PAH: variants seen among roughly 807,000 people sequenced by gnomAD.
PAH encodes phenylalanine-4-hydroxylase.
In PAH, 64 loss-of-function variants were observed where a neutral mutation model predicts 62.0. That is an observed-to-expected ratio of 1.03 (90% CI 0.84 to 1.27). The LOEUF is 1.27. Ranked by LOEUF, PAH falls within the 50% of genes most tolerant of loss-of-function variation. The pLI, the probability that PAH is intolerant of heterozygous loss-of-function variation, is 0.00. For missense variants in PAH, 579 were observed against 542.8 expected, an observed-to-expected ratio of 1.07 and a Z score of -0.66; for synonymous variants, 195 against 196.2, an observed-to-expected ratio of 0.99 and a Z score of 0.05.
chr12:102,948,808 T>G (rs1879609162), intron 1 of PAH, among the ~76,000 whole-genome samples: 2 of 152,322 alleles, frequency 1.3e-5, no homozygotes, highest in South Asian at 4.1e-4. Flanking sequence ...TTTGCCAGAT[T>G]CTGATTTGGT....
At chr12:102,924,373 T>C (rs1878630383) in intron 1 of PAH, among the ~76,000 whole-genome samples, 1 of 152,134 alleles carries the variant, frequency 6.6e-6, no homozygotes, top group South Asian at 2.1e-4. Context: ...TTTTTTTAAA[T>C]TAAGCTACTT....
At chr12:102,888,320 A>C (rs1877125029) in intron 3 of PAH, among the ~76,000 whole-genome samples, 1 of 152,020 alleles carries the variant, frequency 6.6e-6, no homozygotes, top group Admixed American at 6.6e-5. Context: ...CAACCTTTTA[A>C]TTATACCTTT....
At chr12:102,914,974 T>G (rs1028684291) in intron 1 of PAH, among the ~76,000 whole-genome samples, 3 of 152,204 alleles carry the variant, frequency 2.0e-5, no homozygotes, top group African/African-American at 7.2e-5. Context: ...TTTTTACTCT[T>G]GTCCTTCTAT....
intron 3 of PAH, among the ~76,000 whole-genome samples, chr12:102,887,392 C>T (rs76338042): frequency 0.033 from 5,073 of 151,896 alleles, 102 homozygotes; most frequent in African/African-American, 0.057. Flanking sequence ...CACAGGGACC[C>T]TCATACAATC....
At chr12:102,877,658 C>T in intron 3 of PAH, 108 bp from the exon 4 acceptor site, 1 of 828,570 alleles carries the variant, frequency 1.2e-6, no homozygotes, top group Non-Finnish European at 2.1e-6. Context: ...GGCAAGTGGG[C>T]TGGCTTCCAG....
chr12:102,900,667 C>T (rs918204596), intron 2 of PAH, among the ~76,000 whole-genome samples: 28 of 152,136 alleles, frequency 1.8e-4, no homozygotes, highest in African/African-American at 6.5e-4. Flanking sequence ...TCCTTATTGG[C>T]GTCTTTCTAA....
intron 9 of PAH, 146 bp from the exon 10 acceptor site, chr12:102,844,577 G>T: frequency 1.4e-6 from 1 of 700,240 alleles, no homozygotes; most frequent in South Asian, 1.5e-5. Flanking sequence ...GGAGGGGATT[G>T]GCATGTGAGT....
chr12:102,839,330 T>C lies in PAH; in HGVS notation c.1316-112A>G, dbSNP rs1874490001. The C allele has an allele frequency of 1.0e-5, 10 of 995,628 alleles. No homozygotes were observed. In the South Asian group the frequency reaches 1.0e-4, roughly 10 times the overall value. The allele number at this position is 995,628 out of a possible 1,614,324, so 61.7% of individuals were successfully genotyped here. On this transcript the variant is annotated intron_variant, in intron 12 of 12. Transcript: ENST00000553106. Reference sequence around the variant, plus strand: ...AAGTGGGCTTCTTGGATGAGCTGGGTGCCACCCCAACTTTCAAGGAGCTTA... The same window carrying C: ...AAGTGGGCTTCTTGGATGAGCTGGGCGCCACCCCAACTTTCAAGGAGCTTA...
intron 4 of PAH, among the ~76,000 whole-genome samples, chr12:102,876,422 C>G (rs891724762): frequency 2.0e-5 from 3 of 152,198 alleles, no homozygotes; most frequent in Non-Finnish European, 2.9e-5. Flanking sequence ...TCAGGCTCCT[C>G]GGGCCTCACT....
upstream of PAH, among the ~76,000 whole-genome samples, chr12:102,918,559 A>G (rs12312033): frequency 6.7e-6 from 1 of 149,344 alleles, no homozygotes; most frequent in Admixed American, 6.7e-5. Flanking sequence ...CCCATGCCTC[A>G]GTTTTTTTTT....
intron 1 of PAH, among the ~76,000 whole-genome samples, chr12:102,925,666 A>G (rs1878664452): frequency 6.6e-6 from 1 of 152,176 alleles, no homozygotes; most frequent in Non-Finnish European, 1.5e-5. Context: ...ACCTTGTTTC[A>G]ATGGCATCCT....
chr12:102,930,265 C>T (rs1878812390), intron 1 of PAH, among the ~76,000 whole-genome samples: 1 of 152,142 alleles, frequency 6.6e-6, no homozygotes, highest in Admixed American at 6.5e-5. Context: ...GAGGCAGATT[C>T]ATCATGTAGC....
intron 5 of PAH, among the ~76,000 whole-genome samples, chr12:102,862,072 T>G (rs998765208): frequency 2.6e-4 from 39 of 151,154 alleles, no homozygotes; most frequent in African/African-American, 8.8e-4. Flanking sequence ...CAAAGGAATA[T>G]AAATCATTCT....
upstream of PAH, among the ~76,000 whole-genome samples, chr12:102,918,051 T>C (rs1522297): frequency 0.4 from 61,198 of 152,056 alleles, 13,718 homozygotes; most frequent in African/African-American, 0.59. Context: ...CCTCCCCAGC[T>C]ATGCTGCCAT....
At chr12:102,907,115 T>C (rs1186890980) in intron 2 of PAH, among the ~76,000 whole-genome samples, 1 of 152,214 alleles carries the variant, frequency 6.6e-6, no homozygotes, top group Non-Finnish European at 1.5e-5. Context: ...GAAAGTGATA[T>C]GTCCAAATGT....
intron 4 of PAH, among the ~76,000 whole-genome samples, chr12:102,874,436 C>A (rs940573265): frequency 6.6e-6 from 1 of 152,186 alleles, no homozygotes; most frequent in African/African-American, 2.4e-5. Flanking sequence ...AACCTCCTTT[C>A]TTTTATATGG....
chr12:102,900,696 T>C (rs1342728311), intron 2 of PAH, among the ~76,000 whole-genome samples: 4 of 152,150 alleles, frequency 2.6e-5, no homozygotes, highest in Non-Finnish European at 5.9e-5. Context: ...TATGGATCCT[T>C]AGAAACCAAT....
intron 11 of PAH, among the ~76,000 whole-genome samples, chr12:102,841,688 G>A (rs183115116): frequency 6.6e-6 from 1 of 152,310 alleles, no homozygotes; most frequent in East Asian, 1.9e-4. Context: ...TCTCAACCCA[G>A]CTGGTGGCAT....
chr12:102,847,031 G>T, intron 8 of PAH, 80 bp from the exon 9 acceptor site: 2 of 1,151,590 alleles, frequency 1.7e-6, no homozygotes, highest in Admixed American at 3.4e-5. Context: ...GCCATAAAAA[G>T]GTGATGGGTG....
Sources: gnomAD v4.1 joint callset for allele counts (sites outside exome capture counted in the v4.1 genomes callset) on GRCh38, gnomAD v4.1.1 for gene constraint, MANE v1.5 for transcripts, NCBI Gene and HGNC (gene_info 2026-07-23, HGNC 2026-07-21) for gene names.